Variants in SETBP1 observed in about 807,000 individuals in gnomAD.
SETBP1 encodes SET binding protein 1, also known as SET-binding protein.
In SETBP1, 9 loss-of-function variants were observed where a neutral mutation model predicts 101.0. The observed-to-expected ratio is 0.09, with a 90% confidence interval of 0.05 to 0.16. SETBP1 has a LOEUF of 0.16. Among genes scored for constraint, SETBP1 ranks in the 10% least tolerant of loss-of-function variants. The probability of loss-of-function intolerance (pLI) is 1.00; values close to 1 mark genes in which losing one functional copy is unlikely to be tolerated. For synonymous variants in SETBP1, 818 were observed against 788.5 expected (o/e 1.04, Z -0.63); for missense variants, 1,858 against 2,033.8 (o/e 0.91, Z 1.66).
chr18:44,929,016 C>T (rs1318031424), intron 3 of SETBP1, among the ~76,000 whole-genome samples: 5 of 152,142 alleles, frequency 3.3e-5, no homozygotes, highest in Admixed American at 2.0e-4. Context: ...ATGCCTATGT[C>T]GTGAATAGTA....
intron 2 of SETBP1, among the ~76,000 whole-genome samples, chr18:44,728,688 G>A (rs939309074): frequency 3.9e-5 from 6 of 152,230 alleles, no homozygotes; most frequent in African/African-American, 1.2e-4. Flanking sequence ...TGGGGGCAGG[G>A]AGAGAAAGCT....
intron 2 of SETBP1, among the ~76,000 whole-genome samples, chr18:44,794,235 G>C (rs765308104): frequency 6.6e-6 from 1 of 152,194 alleles, no homozygotes; most frequent in Non-Finnish European, 1.5e-5. Context: ...ACGGCATTTT[G>C]TAAAATTCAC....
At position 44,952,061 on chromosome 18, in the gene SETBP1, C is replaced by T. The variant is rs148632511; in HGVS notation, c.2721C>T (p.Ser907=). The T allele has an allele frequency of 2.3e-4, 377 of 1,613,952 alleles. No homozygotes were observed. Among genetic ancestry groups the T allele is most frequent in the Non-Finnish European group, 2.8e-4 (331 of 1,180,040 alleles). ...TGGACAACCCGGAGGCCATTCCGTC[C>T]GACACCAGCACAAAGAACCGGCATG... The part of the protein sequence containing the change: ...CSLDNPEAIP[S]DTSTKNRHGH... The change falls in exon 4 of 6, where the codon TCC becomes TCT. Residue 907 remains serine (S), a synonymous_variant. Coordinates refer to ENST00000649279, the MANE Select transcript of SETBP1 (RefSeq NM_015559.3).
chr18:45,055,379 A>G (rs935580427), intron 5 of SETBP1, among the ~76,000 whole-genome samples: 1 of 152,230 alleles, frequency 6.6e-6, no homozygotes, highest in Non-Finnish European at 1.5e-5. Flanking sequence ...CTTTAACAGG[A>G]TGAGATAAAC....
intron 2 of SETBP1, among the ~76,000 whole-genome samples, chr18:44,774,695 C>G (rs1374935124): frequency 6.6e-6 from 1 of 152,128 alleles, no homozygotes. Flanking sequence ...TCTACAGACA[C>G]TCTGGAAAAT....
chr18:44,765,089 T>G (rs1023080626), intron 2 of SETBP1, among the ~76,000 whole-genome samples: 1 of 152,210 alleles, frequency 6.6e-6, no homozygotes, highest in Non-Finnish European at 1.5e-5. Flanking sequence ...GCCCTTAAGT[T>G]GGAAGCCTTG....
chr18:45,020,410 T>C (rs908507766), intron 4 of SETBP1, among the ~76,000 whole-genome samples: 2 of 151,794 alleles, frequency 1.3e-5, no homozygotes, highest in Non-Finnish European at 2.9e-5. Flanking sequence ...AACTGGGTTC[T>C]CCAGGCCTTT....
intron 2 of SETBP1, among the ~76,000 whole-genome samples, chr18:44,841,762 C>G (rs2072622224): frequency 6.6e-6 from 1 of 152,216 alleles, no homozygotes; most frequent in African/African-American, 2.4e-5. Flanking sequence ...ATGTGACCAT[C>G]TCACCCCTTT....
intron 3 of SETBP1, among the ~76,000 whole-genome samples, chr18:44,881,504 G>GC (rs1411424922): frequency 6.6e-6 from 1 of 152,194 alleles, no homozygotes; most frequent in African/African-American, 2.4e-5. Context: ...TCAAAGGAGA[G>GC]CTCAGGCAGC....
intron 2 of SETBP1, among the ~76,000 whole-genome samples, chr18:44,705,606 C>T (rs1203486059): frequency 6.6e-6 from 1 of 152,124 alleles, no homozygotes; most frequent in East Asian, 1.9e-4. Context: ...CAGGCAAAGA[C>T]AGCTTATATG....
chr18:44,830,761 A>T (rs1488018153), intron 2 of SETBP1, among the ~76,000 whole-genome samples: 2 of 152,188 alleles, frequency 1.3e-5, no homozygotes, highest in Non-Finnish European at 2.9e-5. Context: ...AGTTTTAAAC[A>T]TTCTGTTGCA....
At position 44,939,939 on chromosome 18, in the gene SETBP1, G is replaced by A. The variant is rs562050538; in HGVS notation, c.541-9942G>A. On this transcript the variant is annotated intron_variant, in intron 3 of 5. Transcript: ENST00000649279. ...GATAGTACAGATGAAACCTCTGGTG[G>A]GTTTTTTCTGATTTTTTAGGAAATT... is the stretch of plus-strand genomic sequence containing the variant. 3.3e-5 allele frequency among the ~76,000 whole-genome samples: 5 copies of A among 152,256 alleles called. No homozygotes were observed. The South Asian group carries it at 1.0e-3, about 32-fold the overall frequency.
intron 2 of SETBP1, among the ~76,000 whole-genome samples, chr18:44,763,543 A>T (rs1287062403): frequency 6.6e-6 from 1 of 152,220 alleles, no homozygotes; most frequent in South Asian, 2.1e-4. Flanking sequence ...TGTTTACTGT[A>T]TTGACTCTCT....
intron 4 of SETBP1, among the ~76,000 whole-genome samples, chr18:45,022,474 A>G (rs2073090800): frequency 6.6e-6 from 1 of 152,064 alleles, no homozygotes; most frequent in Non-Finnish European, 1.5e-5. Flanking sequence ...GAAGTCACTC[A>G]TTTTTCTAGT....
chr18:44,927,445 T>C (rs1407078797), intron 3 of SETBP1, among the ~76,000 whole-genome samples: 1 of 152,214 alleles, frequency 6.6e-6, no homozygotes, highest in East Asian at 1.9e-4. Context: ...ATACAATGTC[T>C]AGCTTTTTAT....
chr18:45,013,020 C>T (rs1051262789), intron 4 of SETBP1, among the ~76,000 whole-genome samples: 2 of 152,202 alleles, frequency 1.3e-5, no homozygotes, highest in Non-Finnish European at 2.9e-5. Flanking sequence ...GCACTGCAGT[C>T]CTGGAAGGCG....
chr18:44,694,346 G>C (rs2068980773), intron 1 of SETBP1, among the ~76,000 whole-genome samples: 1 of 152,076 alleles, frequency 6.6e-6, no homozygotes, highest in African/African-American at 2.4e-5. Flanking sequence ...TGAGTAGCTG[G>C]GATTACAGGT....
chr18:44,708,502 T>C (rs1230574713), intron 2 of SETBP1, among the ~76,000 whole-genome samples: 1 of 152,200 alleles, frequency 6.6e-6, no homozygotes, highest in Non-Finnish European at 1.5e-5. Flanking sequence ...CCTGGAAATT[T>C]TGTTTCCTGA....
chr18:44,893,103 G>A (rs1360042252), intron 3 of SETBP1, among the ~76,000 whole-genome samples: 1 of 152,108 alleles, frequency 6.6e-6, no homozygotes, highest in African/African-American at 2.4e-5. Context: ...GTGGTCAAAT[G>A]ACATTAACAG....
Sources: gnomAD v4.1 joint callset for allele counts (sites outside exome capture counted in the v4.1 genomes callset) on GRCh38, gnomAD v4.1.1 for gene constraint, MANE v1.5 for transcripts, NCBI Gene and HGNC (gene_info 2026-07-23, HGNC 2026-07-21) for gene names.